The following PRODH2 variants were observed in gnomAD, a reference collection of about 807,000 sequenced individuals.
The protein encoded by PRODH2 is hydroxyproline dehydrogenase.
A neutral mutation model predicts 51.9 loss-of-function variants in PRODH2; 49 were observed. That is an observed-to-expected ratio of 0.94 (90% CI 0.75 to 1.20). The LOEUF (loss-of-function observed/expected upper bound fraction) is 1.20, where lower values mean the gene tolerates loss of function less well. Ranked by LOEUF, PRODH2 falls within the 50% of genes most tolerant of loss-of-function variation. The probability of loss-of-function intolerance (pLI) is 0.00; values close to 1 mark genes in which losing one functional copy is unlikely to be tolerated. For synonymous variants in PRODH2, 249 were observed against 260.7 expected, an observed-to-expected ratio of 0.96 and a Z score of 0.43; for missense variants, 597 against 610.9, an observed-to-expected ratio of 0.98 and a Z score of 0.24.
In PRODH2 at chr19:35,803,506, C is replaced by T. The variant is rs1454338283; in HGVS notation, c.1002-428G>A. Among the ~76,000 whole-genome samples, 7 of 152,354 alleles carry T rather than the reference C, an allele frequency of 4.6e-5. No individual in the cohort carries two copies. The East Asian group carries it at 9.6e-4, about 21-fold the overall frequency. On this transcript the variant is annotated intron_variant, in intron 7 of 9. Transcript: ENST00000653904. ...CTGACCTCAGGTGATCTGCCCGCCTCAGCCTCCCAGAGTGCTGGGATTACA... is the reference window on the plus strand; with the variant it reads ...CTGACCTCAGGTGATCTGCCCGCCTTAGCCTCCCAGAGTGCTGGGATTACA...
chr19:35,811,421 A>T (rs1258547558), intron 4 of PRODH2, among the ~76,000 whole-genome samples: 1 of 118,432 alleles, frequency 8.4e-6, no homozygotes, highest in Non-Finnish European at 1.8e-5. Flanking sequence ...GAGGAGAGAG[A>T]AGGAAGGAAG....
In PRODH2 at chr19:35,806,587, C is replaced by A. The variant is rs149964020; in HGVS notation, c.844G>T (p.Glu282Ter). ...TYQACLKDTF[E>*]RLGRDAEAAH... The stretch of plus-strand genomic sequence containing the variant: ...GCCTCTGCATCCCTCCCCAGCCGCT[C>A]GAATGTGTCCTATAGGGCACGCAGG... The change falls in exon 7 of 10, where the codon GAG (glutamate) becomes TAG (stop). Residue 282 changes from glutamate (E) to a stop codon, truncating the protein, a stop_gained. Transcript: ENST00000653904. LOFTEE classifies it high-confidence loss of function. 1.0e-4 allele frequency: 166 copies of A among 1,614,016 alleles called. No individual in the cohort carries two copies. The highest frequency in any genetic ancestry group is 1.6e-4 in the Middle Eastern group (1 of 6,084).
chr19:35,804,189 T>A (rs935510411), intron 7 of PRODH2, among the ~76,000 whole-genome samples: 3 of 152,174 alleles, frequency 2.0e-5, no homozygotes, highest in African/African-American at 7.2e-5. Flanking sequence ...CACTTCCTTT[T>A]CGTTTTGTGT....
At chr19:35,806,391 GTTA>G (rs750519910) in intron 7 of PRODH2, 36 bp downstream of exon 7, 4 of 1,611,428 alleles carry the variant, frequency 2.5e-6, no homozygotes, top group East Asian at 4.5e-5. Context: ...ACCACTAGGT[GTTA>G]TTATTTCCTG....
chr19:35,802,564 T>A (rs1242742606), intron 8 of PRODH2: 16 of 497,612 alleles, frequency 3.2e-5, no homozygotes, highest in Admixed American at 1.9e-4. Flanking sequence ...TGTGTTTGTT[T>A]GTTTGTTTGT....
In PRODH2 at chr19:35,812,347, G is replaced by A; in HGVS notation, c.371+13C>T. 1 of 1,610,524 alleles carries A rather than the reference G, an allele frequency of 6.2e-7. No individual in the cohort carries two copies. The highest frequency in any genetic ancestry group is 8.5e-7 in the Non-Finnish European group (1 of 1,177,350). ...GTCCTCCCAGCCTCCCTGGGCCCTG[G>A]CTCCCTACTCACCCACTCTTGGCAG... On this transcript the variant is annotated intron_variant, in intron 2 of 9. Transcript: ENST00000653904.
Position 35,806,784 on chromosome 19 carries a change from G to A in PRODH2, c.725C>T (p.Thr242Ile), listed in dbSNP as rs1026353235. 4 of 1,613,034 alleles carry A rather than the reference G, an allele frequency of 2.5e-6. No individual in the cohort carries two copies. The highest frequency in any genetic ancestry group is 3.4e-6 in the Non-Finnish European group (4 of 1,179,588). Residue 242 changes from threonine (T) to isoleucine (I), a missense_variant, in exon 6 of 10, where the codon ACC (threonine) becomes ATC (isoleucine). Transcript: ENST00000653904. ...HVRLLVDAEYTSLNPALSLLV... is the reference protein window; with the variant it reads ...HVRLLVDAEYISLNPALSLLV... ...CAGCGAGAGCGCAGGGTTCAGTGAGGTGTACTCCGCATCCACCAGGAGCCG... is the reference window on the plus strand; with the variant it reads ...CAGCGAGAGCGCAGGGTTCAGTGAGATGTACTCCGCATCCACCAGGAGCCG...
At position 35,805,272 on chromosome 19, in the gene PRODH2, T is replaced by C. The variant is rs1404430000; in HGVS notation, c.1001+1158A>G. ...ATATTTAAAATAATAGTGCAAATTA[T>C]TATTATTATTTTGAGATGGAGTCTC... On this transcript the variant is annotated intron_variant, in intron 7 of 9. Coordinates refer to ENST00000653904, the MANE Select transcript of PRODH2 (RefSeq NM_021232.2). 6.6e-5 allele frequency among the ~76,000 whole-genome samples: 10 copies of C among 152,096 alleles called. No homozygotes were observed. In the East Asian group the frequency reaches 1.2e-3, roughly 18 times the overall value.
Position 35,806,817 on chromosome 19 carries a change from T to C in PRODH2, c.692A>G (p.Gln231Arg). 6.2e-7 allele frequency: 1 copy of C among 1,606,660 alleles called. No individual in the cohort carries two copies. The highest frequency in any genetic ancestry group is 8.5e-7 in the Non-Finnish European group (1 of 1,176,762). The stretch of plus-strand genomic sequence containing the variant: ...CGCATCCACCAGGAGCCGCACGTGC[T>C]GGGCCCGGGCATACTGATGGCGACA... ...LHRVAQYARA[Q>R]HVRLLVDAEY... Residue 231 changes from glutamine (Q) to arginine (R), a missense_variant, in exon 6 of 10, where the codon CAG (glutamine) becomes CGG (arginine). Coordinates refer to ENST00000653904, the MANE Select transcript of PRODH2 (RefSeq NM_021232.2).
chr19:35,802,441 T>C, intron 8 of PRODH2, 165 bp from the exon 9 acceptor site: 1 of 676,990 alleles, frequency 1.5e-6, no homozygotes, highest in South Asian at 1.7e-5. Context: ...GGTCCCCCAG[T>C]GACTCCCAGC....
At chr19:35,806,385 C>T in intron 7 of PRODH2, 45 bp downstream of exon 7, 2 of 1,609,800 alleles carry the variant, frequency 1.2e-6, no homozygotes, top group Non-Finnish European at 8.5e-7. Context: ...CACCCAACCA[C>T]TAGGTGTTAT....
At chr19:35,809,967 A>AC (rs1364309250) in intron 4 of PRODH2, among the ~76,000 whole-genome samples, 1 of 131,694 alleles carries the variant, frequency 7.6e-6, no homozygotes, top group Non-Finnish European at 1.6e-5. Context: ...TCAAAAAAAA[A>AC]AAAAAAAAAA....
At position 35,806,496 on chromosome 19, in the gene PRODH2, C is replaced by T. The variant is rs757170920; in HGVS notation, c.935G>A (p.Arg312Lys). ...LVRGAYLDKE[R>K]AVAQLHGMED... ...CATCCCATGGAGCTGGGCCACCGCT[C>T]TCTCCTTGTCCAGATATGCACCTCG... The change falls in exon 7 of 10, where the codon AGA becomes AAA. Residue 312 changes from arginine (R) to lysine (K), a missense_variant. By Grantham distance (26) the Arg-to-Lys change is conservative. Coordinates refer to ENST00000653904, the MANE Select transcript of PRODH2 (RefSeq NM_021232.2). 2.5e-6 allele frequency: 4 copies of T among 1,614,080 alleles called. No individual in the cohort carries two copies. Among genetic ancestry groups the T allele is most frequent in the Non-Finnish European group, 3.4e-6 (4 of 1,180,046 alleles).
In PRODH2 at chr19:35,812,285, C is replaced by T. The variant is rs1234340537; in HGVS notation, c.372-13G>A. ...ATACCACGCCTCACTGCCCAGCCAG[C>T]AGGTGTCAGGGCCCGAACAGCAAAG... On this transcript the variant is annotated splice_polypyrimidine_tract_variant and intron_variant, in intron 2 of 9. Transcript: ENST00000653904. 4 of 1,612,878 alleles carry T rather than the reference C, an allele frequency of 2.5e-6. No homozygotes were observed. Among genetic ancestry groups the T allele is most frequent in the African/African-American group, 1.3e-5 (1 of 75,062 alleles).
At chr19:35,811,360 C>G (rs1271819511) in intron 4 of PRODH2, among the ~76,000 whole-genome samples, 2 of 145,538 alleles carry the variant, frequency 1.4e-5, no homozygotes, top group Non-Finnish European at 3.0e-5. Flanking sequence ...AGAGACCACC[C>G]TGTGCAATAC....
Position 35,812,533 on chromosome 19 carries a change from G to A in PRODH2, c.198C>T (p.Leu66=), listed in dbSNP as rs1972632012. 6.2e-7 allele frequency: 1 copy of A among 1,613,974 alleles called. No individual in the cohort carries two copies. The highest frequency in any genetic ancestry group is 1.1e-5 in the South Asian group (1 of 91,082). ...GLLLQAWSRR[L]LGSRLSGAFL... ...ATGCGCCTGAGAGCCGGGAGCCCAG[G>A]AGTCGCCGAGACCAGGCCTGGAGCT... Residue 66 remains leucine, a synonymous_variant, in exon 2 of 10, where the codon CTC becomes CTT. Transcript: ENST00000653904.
intron 4 of PRODH2, among the ~76,000 whole-genome samples, chr19:35,809,958 CAA>C (rs1175392997): frequency 1.6e-4 from 2 of 12,822 alleles, no homozygotes; most frequent in East Asian, 6.9e-3. Context: ...GATGCCGCTT[CAA>C]AAAAAAAAAA....
intron 7 of PRODH2, 129 bp from the exon 8 acceptor site, chr19:35,803,207 A>G: frequency 2.0e-6 from 1 of 503,196 alleles, no homozygotes; most frequent in Admixed American, 3.8e-5. Context: ...ACCAGTTGTA[A>G]GGGACATCAC....
At chr19:35,809,764 G>A (rs1391783129) in intron 4 of PRODH2, among the ~76,000 whole-genome samples, 4 of 150,012 alleles carry the variant, frequency 2.7e-5, no homozygotes, top group Non-Finnish European at 5.9e-5. Context: ...TTAAAGACTA[G>A]CCTGGCCAAC....
Sources: gnomAD v4.1 joint callset for allele counts (sites outside exome capture counted in the v4.1 genomes callset) on GRCh38, gnomAD v4.1.1 for gene constraint, MANE v1.5 for transcripts, NCBI Gene and HGNC (gene_info 2026-07-23, HGNC 2026-07-21) for gene names.